SCPPPQ1: variants seen among roughly 807,000 people sequenced by gnomAD.
The protein encoded by SCPPPQ1 is secretory calcium-binding phosphoprotein proline-glutamine rich 1, also known as secretory calcium-binding phosphoprotein proline- and glutamine-rich 1.
the SCPPPQ1 span, among the ~76,000 whole-genome samples, chr4:87,470,366 A>G: frequency 6.6e-6 from 1 of 152,180 alleles, no homozygotes; most frequent in Non-Finnish European, 1.5e-5. Context: ...TAATACACAA[A>G]TAAATCCACC....
the SCPPPQ1 span, among the ~76,000 whole-genome samples, chr4:87,467,391 G>A: frequency 2.6e-5 from 4 of 152,114 alleles, no homozygotes; most frequent in Non-Finnish European, 4.4e-5. Flanking sequence ...AAACAGAAAA[G>A]CAAAATAACT....
At chr4:87,465,794 A>G in the SCPPPQ1 span, among the ~76,000 whole-genome samples, 1 of 152,112 alleles carries the variant, frequency 6.6e-6, no homozygotes, top group Non-Finnish European at 1.5e-5. Context: ...TGGGTTCAAT[A>G]TAATATTTTC....
chr4:87,464,482 A>G, the SCPPPQ1 span, among the ~76,000 whole-genome samples: 1 of 152,126 alleles, frequency 6.6e-6, no homozygotes, highest in Admixed American at 6.6e-5. Context: ...ATTGGGTTTG[A>G]AAAAGACTAT....
chr4:87,461,854 T>G, the SCPPPQ1 span: 1 of 152,198 alleles, frequency 6.6e-6, no homozygotes, highest in Non-Finnish European at 1.5e-5. Flanking sequence ...TTTACACCTA[T>G]TTTCATCATA....
chr4:87,465,027 A>G, the SCPPPQ1 span, among the ~76,000 whole-genome samples: 1,310 of 152,288 alleles, frequency 8.6e-3, 24 homozygotes, highest in African/African-American at 0.03. Context: ...TCTATTTCAA[A>G]TGCTTCTAGG....
chr4:87,464,295 G>A, the SCPPPQ1 span, among the ~76,000 whole-genome samples: 3 of 151,974 alleles, frequency 2.0e-5, no homozygotes, highest in East Asian at 1.9e-4. Flanking sequence ...CTTGGTAAAC[G>A]AGAGCATGCT....
At chr4:87,464,607 G>A in the SCPPPQ1 span, among the ~76,000 whole-genome samples, 2 of 152,132 alleles carry the variant, frequency 1.3e-5, no homozygotes, top group Non-Finnish European at 2.9e-5. Flanking sequence ...GGAGGCCAAG[G>A]GAGGAGGATC....
At chr4:87,467,279 A>G in the SCPPPQ1 span, among the ~76,000 whole-genome samples, 173 of 152,350 alleles carry the variant, frequency 1.1e-3, no homozygotes, top group African/African-American at 3.9e-3. Flanking sequence ...AAAGTGTTAT[A>G]TATAGAATAA....
the SCPPPQ1 span, among the ~76,000 whole-genome samples, chr4:87,466,430 C>G: frequency 6.6e-6 from 1 of 152,168 alleles, no homozygotes; most frequent in South Asian, 2.1e-4. Flanking sequence ...AACAATGCAC[C>G]TAGTCCTGAC....
At chr4:87,470,445 G>T in the SCPPPQ1 span, among the ~76,000 whole-genome samples, 1 of 152,118 alleles carries the variant, frequency 6.6e-6, no homozygotes, top group Non-Finnish European at 1.5e-5. Context: ...GCCAGTTATA[G>T]TTCTCGGGAA....
At chr4:87,464,137 T>C in the SCPPPQ1 span, among the ~76,000 whole-genome samples, 1 of 152,172 alleles carries the variant, frequency 6.6e-6, no homozygotes, top group Admixed American at 6.5e-5. Flanking sequence ...ATGTAGTATT[T>C]ATATGGACTT....
chr4:87,469,524 T>C, the SCPPPQ1 span, among the ~76,000 whole-genome samples: 1 of 152,200 alleles, frequency 6.6e-6, no homozygotes, highest in Non-Finnish European at 1.5e-5. Context: ...TAAGACCTGC[T>C]TTCTAGCCGA....
chr4:87,467,571 A>G, the SCPPPQ1 span, among the ~76,000 whole-genome samples: 1 of 152,216 alleles, frequency 6.6e-6, no homozygotes, highest in Non-Finnish European at 1.5e-5. Context: ...CAGCACAAAC[A>G]CCTTTTTAAT....
At chr4:87,462,431 T>C in the SCPPPQ1 span, among the ~76,000 whole-genome samples, 407 of 152,290 alleles carry the variant, frequency 2.7e-3, 2 homozygotes, top group Admixed American at 4.6e-3. Flanking sequence ...CTTAAAAATA[T>C]TAGAACAACA....
At chr4:87,463,152 A>G in the SCPPPQ1 span, among the ~76,000 whole-genome samples, 8 of 152,294 alleles carry the variant, frequency 5.3e-5, no homozygotes, top group East Asian at 1.3e-3. Context: ...TTTGGAGGAA[A>G]TGAGTTTATA....
chr4:87,464,576 C>G, the SCPPPQ1 span, among the ~76,000 whole-genome samples: 2 of 152,230 alleles, frequency 1.3e-5, no homozygotes, highest in South Asian at 2.1e-4. Flanking sequence ...TGGTGGCTCA[C>G]GCCTGTAATA....
At chr4:87,464,011 A>G in the SCPPPQ1 span, among the ~76,000 whole-genome samples, 1 of 152,024 alleles carries the variant, frequency 6.6e-6, no homozygotes, top group Non-Finnish European at 1.5e-5. Flanking sequence ...TTTAAGCTAA[A>G]CACTGTCCCA....
chr4:87,464,196 G>A, the SCPPPQ1 span, among the ~76,000 whole-genome samples: 1 of 152,264 alleles, frequency 6.6e-6, no homozygotes, highest in Non-Finnish European at 1.5e-5. Flanking sequence ...ATCATTAGGT[G>A]TGAGGACCTA....
the SCPPPQ1 span, among the ~76,000 whole-genome samples, chr4:87,470,647 A>G: frequency 2.0e-5 from 3 of 152,210 alleles, no homozygotes; most frequent in African/African-American, 7.2e-5. Flanking sequence ...TTCAAACCAA[A>G]TCACTGTATT....
Sources: gnomAD v4.1 joint callset for allele counts (sites outside exome capture counted in the v4.1 genomes callset) on GRCh38, gnomAD v4.1.1 for gene constraint, MANE v1.5 for transcripts, NCBI Gene and HGNC (gene_info 2026-07-23, HGNC 2026-07-21) for gene names.